NUDCD3: variants seen among roughly 807,000 people sequenced by gnomAD.
NUDCD3 encodes nudC domain-containing protein 3.
Under a neutral mutation model 39.7 loss-of-function variants are expected in NUDCD3, and 13 were observed. That is an observed-to-expected ratio of 0.33 (90% CI 0.21 to 0.52). NUDCD3 has a LOEUF of 0.52. Ranked by LOEUF, NUDCD3 falls within the 20% of genes least tolerant of loss-of-function variation. The pLI, the probability that NUDCD3 is intolerant of heterozygous loss-of-function variation, is 0.96. For synonymous variants in NUDCD3, 175 were observed against 172.4 expected, an observed-to-expected ratio of 1.02 and a Z score of -0.12; for missense variants, 453 against 458.1, an observed-to-expected ratio of 0.99 and a Z score of 0.10.
At chr7:44,394,294 T>C (rs1490955038) in intron 4 of NUDCD3, among the ~76,000 whole-genome samples, 1 of 152,198 alleles carries the variant, frequency 6.6e-6, no homozygotes, top group Non-Finnish European at 1.5e-5. Context: ...GCTCTGCCAG[T>C]GTGCAATTTA....
At chr7:44,447,164 A>G (rs1378503209) in intron 2 of NUDCD3, among the ~76,000 whole-genome samples, 1 of 152,206 alleles carries the variant, frequency 6.6e-6, no homozygotes. Context: ...CTGTTAACGC[A>G]CTTATTGAAG....
At chr7:44,389,259 C>A (rs1798464176) in intron 5 of NUDCD3, among the ~76,000 whole-genome samples, 2 of 148,434 alleles carry the variant, frequency 1.3e-5, no homozygotes, top group African/African-American at 2.4e-5. Flanking sequence ...CTGTCCCGAA[C>A]TGACAGTGAG....
Position 44,436,051 on chromosome 7 carries a change from A to C in NUDCD3, c.510-8348T>G, listed in dbSNP as rs372562485. 2.0e-5 allele frequency among the ~76,000 whole-genome samples: 3 copies of C among 152,320 alleles called. No homozygotes were observed. The East Asian group carries it at 5.8e-4, about 29-fold the overall frequency. ...AGAAGGGGAACTACCCTAAATTAAG[A>C]ATCATAAGATCTATCAAATTCAATG... On this transcript the variant is annotated intron_variant, in intron 2 of 5. Coordinates refer to ENST00000355451, the MANE Select transcript of NUDCD3 (RefSeq NM_015332.4).
intron 3 of NUDCD3, among the ~76,000 whole-genome samples, chr7:44,405,366 T>C (rs1388810635): frequency 6.6e-6 from 1 of 152,198 alleles, no homozygotes; most frequent in Admixed American, 6.5e-5. Context: ...GACTGGCAGC[T>C]GTGGGAGTAG....
intron 4 of NUDCD3, among the ~76,000 whole-genome samples, chr7:44,398,797 T>A (rs535626314): frequency 2.0e-5 from 3 of 152,268 alleles, no homozygotes; most frequent in African/African-American, 7.2e-5. Flanking sequence ...GGAAGGCACC[T>A]CAGAGCGAGG....
chr7:44,440,643 G>T, intron 2 of NUDCD3, among the ~76,000 whole-genome samples: 1 of 151,996 alleles, frequency 6.6e-6, no homozygotes. Flanking sequence ...GGAGGTTTAA[G>T]TCTGCAGCTG....
At chr7:44,459,842 T>C (rs1799973679) in intron 2 of NUDCD3, among the ~76,000 whole-genome samples, 1 of 152,216 alleles carries the variant, frequency 6.6e-6, no homozygotes, top group African/African-American at 2.4e-5. Flanking sequence ...TAGAATGATA[T>C]GCTTCCTTTT....
At chr7:44,456,110 CTAA>C in intron 2 of NUDCD3, among the ~76,000 whole-genome samples, 1 of 134,480 alleles carries the variant, frequency 7.4e-6, no homozygotes, top group South Asian at 2.4e-4. Flanking sequence ...CTTTTAGAAA[CTAA>C]TAATGATAGC....
intron 4 of NUDCD3, among the ~76,000 whole-genome samples, chr7:44,403,349 A>G (rs1798757588): frequency 6.6e-6 from 1 of 152,246 alleles, no homozygotes; most frequent in Admixed American, 6.5e-5. Flanking sequence ...GGCCCTGCTT[A>G]GGATGAAACA....
At chr7:44,390,303 T>C (rs951078787) in intron 5 of NUDCD3, among the ~76,000 whole-genome samples, 3 of 151,996 alleles carry the variant, frequency 2.0e-5, no homozygotes, top group Admixed American at 6.5e-5. Context: ...GGCGGAGGTA[T>C]CAGTGAGCTG....
chr7:44,406,738 C>A (rs1206054738), intron 3 of NUDCD3, among the ~76,000 whole-genome samples: 2 of 152,060 alleles, frequency 1.3e-5, no homozygotes, highest in African/African-American at 4.8e-5. Context: ...GAACTGCAGG[C>A]ATAATAGGCA....
intron 2 of NUDCD3, among the ~76,000 whole-genome samples, chr7:44,456,905 T>C (rs1388252620): frequency 1.3e-5 from 2 of 152,102 alleles, no homozygotes; most frequent in Non-Finnish European, 2.9e-5. Flanking sequence ...TTTTCAGGCA[T>C]GTGGCAGGGT....
At position 44,392,429 on chromosome 7, in the gene NUDCD3, C is replaced by T. The variant is rs778838496; in HGVS notation, c.843G>A (p.Glu281=). ...TGTTGATCTTGTCAATGTCGATGGG[C>T]TCTTCTCCCTCCAGGATGGCGTTCC... ...YWWNAILEGE[E]PIDIDKINKE... is the part of the protein sequence containing the mutation. Residue 281 remains glutamate, a synonymous_variant, in exon 5 of 6, where the codon GAG becomes GAA. Transcript: ENST00000355451. 7 of 1,614,044 alleles carry T rather than the reference C, an allele frequency of 4.3e-6. No homozygotes were observed. Among genetic ancestry groups the T allele is most frequent in the Non-Finnish European group, 5.9e-6 (7 of 1,180,026 alleles).
chr7:44,421,348 A>AC (rs1327927802), intron 3 of NUDCD3, among the ~76,000 whole-genome samples: 2 of 151,114 alleles, frequency 1.3e-5, no homozygotes, highest in Non-Finnish European at 3.0e-5. Context: ...AAAAAAAAAA[A>AC]ACCACACACA....
intron 2 of NUDCD3, among the ~76,000 whole-genome samples, chr7:44,456,025 CAAAAAA>C (rs1233592095): frequency 3.3e-3 from 94 of 28,482 alleles, no homozygotes; most frequent in African/African-American, 0.013. Context: ...GACTCCGTCT[CAAAAAA>C]AAAAAAAAAA....
chr7:44,456,045 A>AAAAAAC (rs1563182590), intron 2 of NUDCD3, among the ~76,000 whole-genome samples: 10 of 133,434 alleles, frequency 7.5e-5, no homozygotes, highest in African/African-American at 1.9e-4. Flanking sequence ...AAAAAAAAAA[A>AAAAAAC]AAAAACAAAA....
intron 2 of NUDCD3, among the ~76,000 whole-genome samples, chr7:44,430,825 GTC>G (rs2116907253): frequency 6.6e-6 from 1 of 152,310 alleles, no homozygotes; most frequent in African/African-American, 2.4e-5. Flanking sequence ...AAGGCTGTCA[GTC>G]TCTGCCTTCG....
chr7:44,469,251 C>T (rs748406196), intron 2 of NUDCD3, among the ~76,000 whole-genome samples: 1 of 151,262 alleles, frequency 6.6e-6, no homozygotes, highest in Non-Finnish European at 1.5e-5. Flanking sequence ...TTCTCTGTGT[C>T]TGCTTTTCTC....
Position 44,384,485 on chromosome 7 carries a change from C to T in NUDCD3, c.*1526G>A, listed in dbSNP as rs1798366334. The T allele has an allele frequency of 1.3e-5, 2 of 152,230 alleles. No individual in the cohort carries two copies. Among genetic ancestry groups the T allele is most frequent in the South Asian group, 2.1e-4 (1 of 4,810 alleles). The allele number at this position is 152,230 out of a possible 1,614,324, so 9.4% of individuals were successfully genotyped here. The stretch of plus-strand genomic sequence containing the variant: ...TTTTGCTCTCCTGTGATGATCGGAG[C>T]AACATGTTTGGACCCACAGAAGACT... On this transcript the variant is annotated 3_prime_UTR_variant, in exon 6 of 6. Transcript: ENST00000355451.
Sources: allele counts gnomAD v4.1 joint callset (sites outside exome capture counted in the v4.1 genomes callset), GRCh38; gene constraint gnomAD v4.1.1; transcripts MANE v1.5; gene names NCBI Gene and HGNC (gene_info 2026-07-23, HGNC 2026-07-21).